Variants in PCDH15 observed in about 807,000 individuals in gnomAD.
PCDH15 encodes the protein protocadherin related 15.
PCDH15 carries 129 observed loss-of-function variants against 178.5 expected under a neutral mutation model. The observed-to-expected ratio is 0.72, with a 90% CI of 0.63 to 0.84. PCDH15 has a LOEUF of 0.84. PCDH15 is among the 40% of genes least tolerant of loss of function. The pLI is 0.00. For missense variants in PCDH15, 2,230 were observed against 2,099.9 expected, an observed-to-expected ratio of 1.06 and a Z score of -1.21; for synonymous variants, 800 against 732.0, an observed-to-expected ratio of 1.09 and a Z score of -1.50.
intron 2 of PCDH15, among the ~76,000 whole-genome samples, chr10:54,595,726 A>T (rs977062790): frequency 1.6e-4 from 25 of 152,198 alleles, no homozygotes; most frequent in African/African-American, 5.3e-4. Context: ...AGAAGGTAAC[A>T]GACAAAATAG....
Position 55,502,390 on chromosome 10 carries a change from A to G in PCDH15, c.-156+125235T>C, listed in dbSNP as rs182107158. Among the ~76,000 whole-genome samples, 242 of 151,808 alleles carry G rather than the reference A, an allele frequency of 1.6e-3. 1 individual carries two copies. Among genetic ancestry groups the G allele is most frequent in the African/African-American group, 5.1e-3 (211 of 41,500 alleles). ...GAACCCCACCAATCATATTTTCTTG[A>G]AAAAAGCTTCCATCAATTTTCTGAA... On this transcript the variant is annotated intron_variant, in intron 2 of 5. Coordinates refer to the PCDH15 transcript ENST00000613346.
At chr10:54,314,155 ACACACACACG>A (rs1248045452) in intron 8 of PCDH15, among the ~76,000 whole-genome samples, 1 of 143,810 alleles carries the variant, frequency 7.0e-6, no homozygotes, top group African/African-American at 2.6e-5. Context: ...ACACACACAC[ACACACACACG>A]CAATACAGAG....
intron 2 of PCDH15, among the ~76,000 whole-genome samples, chr10:55,435,809 C>T (rs1589025486): frequency 6.6e-6 from 1 of 151,962 alleles, no homozygotes; most frequent in East Asian, 1.9e-4. Context: ...CATATATTTA[C>T]AATAATAAAG....
intron 17 of PCDH15, among the ~76,000 whole-genome samples, chr10:54,075,785 T>G (rs1169873582): frequency 6.6e-6 from 1 of 152,166 alleles, no homozygotes; most frequent in Non-Finnish European, 1.5e-5. Flanking sequence ...TTTTGGATTT[T>G]CTATTAAATT....
intron 20 of PCDH15, among the ~76,000 whole-genome samples, chr10:54,000,095 G>GTA (rs1358935081): frequency 1.3e-5 from 2 of 152,190 alleles, no homozygotes; most frequent in Admixed American, 6.5e-5. Flanking sequence ...GACCATTAAG[G>GTA]TAGTAAGAGT....
intron 2 of PCDH15, among the ~76,000 whole-genome samples, chr10:55,471,884 G>C (rs528242143): frequency 3.0e-4 from 46 of 152,218 alleles, no homozygotes; most frequent in African/African-American, 1.1e-3. Flanking sequence ...TGGGGATCTT[G>C]CCCATTTCAA....
At position 54,104,014 on chromosome 10, in the gene PCDH15, C is replaced by A. The variant is rs1180810874; in HGVS notation, c.1918-13951G>T. Among the ~76,000 whole-genome samples the A allele has an allele frequency of 2.6e-5, 4 of 152,266 alleles. No individual in the cohort carries two copies. In the South Asian group the frequency reaches 8.3e-4, roughly 32 times the overall value. ...CACTCTGAACTTACCTCTAGGGGCC[C>A]ACAAGGACTTTAGTCTAGTTATAGA... is the stretch of plus-strand genomic sequence containing the variant. On this transcript the variant is annotated intron_variant, in intron 15 of 37. Coordinates refer to ENST00000644397, the MANE Select transcript of PCDH15 (RefSeq NM_001384140.1).
intron 2 of PCDH15, among the ~76,000 whole-genome samples, chr10:54,574,715 G>A (rs2090259350): frequency 6.7e-6 from 1 of 150,320 alleles, no homozygotes; most frequent in East Asian, 2.0e-4. Flanking sequence ...CTGTAAACTA[G>A]TTCAACCATT....
chr10:54,132,735 C>G, intron 15 of PCDH15, 140 bp downstream of exon 15: 1 of 1,418,746 alleles, frequency 7.0e-7, no homozygotes, highest in Admixed American at 2.0e-5. Context: ...CTTTCCTTTC[C>G]AGATGGAATT....
chr10:54,922,377 C>A (rs1002758539), intron 2 of PCDH15, among the ~76,000 whole-genome samples: 3 of 152,072 alleles, frequency 2.0e-5, no homozygotes, highest in Admixed American at 6.6e-5. Flanking sequence ...GAGAAATTGG[C>A]CAAAACAAGG....
chr10:54,080,180 C>T (rs1337967417), intron 16 of PCDH15, among the ~76,000 whole-genome samples: 3 of 151,866 alleles, frequency 2.0e-5, no homozygotes, highest in African/African-American at 4.8e-5. Flanking sequence ...TTTTGTTATT[C>T]TTTGGAAATT....
At chr10:55,407,206 C>A (rs1014505137) in intron 2 of PCDH15, among the ~76,000 whole-genome samples, 2 of 151,910 alleles carry the variant, frequency 1.3e-5, no homozygotes, top group African/African-American at 4.8e-5. Flanking sequence ...CAAGATTGGT[C>A]GAGGGAATAC....
At chr10:54,463,763 C>T (rs1409845564) in intron 3 of PCDH15, among the ~76,000 whole-genome samples, 1 of 151,818 alleles carries the variant, frequency 6.6e-6, no homozygotes, top group Non-Finnish European at 1.5e-5. Context: ...TAAATGTGTG[C>T]TGTTGTTTTA....
At chr10:54,044,162 A>C (rs1300276912) in intron 18 of PCDH15, among the ~76,000 whole-genome samples, 1 of 152,082 alleles carries the variant, frequency 6.6e-6, no homozygotes, top group Non-Finnish European at 1.5e-5. Flanking sequence ...TCTTACCAAG[A>C]GTTTAGTGGT....
intron 27 of PCDH15, among the ~76,000 whole-genome samples, chr10:53,863,546 G>A (rs1397266017): frequency 6.6e-6 from 1 of 152,064 alleles, no homozygotes; most frequent in African/African-American, 2.4e-5. Context: ...TTAAGAGAGG[G>A]TTTAAGAGAG....
chr10:55,104,694 T>C (rs552475311), intron 2 of PCDH15, among the ~76,000 whole-genome samples: 1 of 152,370 alleles, frequency 6.6e-6, no homozygotes, highest in South Asian at 2.1e-4. Flanking sequence ...GGTACTACTG[T>C]ACCTCAATTT....
At chr10:55,566,269 A>T (rs1842299879) in intron 2 of PCDH15, among the ~76,000 whole-genome samples, 2 of 151,390 alleles carry the variant, frequency 1.3e-5, no homozygotes, top group South Asian at 2.1e-4. Context: ...TTCGTGATTT[A>T]AAAAAAACAC....
intron 1 of PCDH15, among the ~76,000 whole-genome samples, chr10:55,216,556 A>G (rs763625190): frequency 1.3e-5 from 2 of 151,852 alleles, no homozygotes; most frequent in Non-Finnish European, 2.9e-5. Flanking sequence ...GGTTAACAAT[A>G]TATCTTTTAT....
intron 1 of PCDH15, among the ~76,000 whole-genome samples, chr10:54,711,684 A>T (rs993565248): frequency 1.3e-5 from 2 of 151,948 alleles, no homozygotes; most frequent in African/African-American, 4.8e-5. Context: ...ATGTCGATAA[A>T]TTCCTCAAAA....
Sources: gnomAD v4.1 joint callset for allele counts (sites outside exome capture counted in the v4.1 genomes callset) on GRCh38, gnomAD v4.1.1 for gene constraint, MANE v1.5 for transcripts, NCBI Gene and HGNC (gene_info 2026-07-23, HGNC 2026-07-21) for gene names.